The following MAMDC2 variants were observed in gnomAD, a reference collection of about 807,000 sequenced individuals.
MAMDC2 encodes MAM domain containing 2, also known as MAM domain-containing protein 2.
MAMDC2 carries 57 observed loss-of-function variants against 89.8 expected under a neutral mutation model. That is an observed-to-expected ratio of 0.63 (90% CI 0.51 to 0.79). MAMDC2 has a LOEUF of 0.79. Ranked by LOEUF, MAMDC2 falls within the 30% of genes least tolerant of loss-of-function variation. The pLI is 0.00. For missense variants in MAMDC2, 800 were observed against 820.6 expected (o/e 0.97, Z 0.31); for synonymous variants, 313 against 293.4 (o/e 1.07, Z -0.68).
chr9:70,207,135 G>T (rs1587571037), intron 11 of MAMDC2, among the ~76,000 whole-genome samples: 1 of 152,162 alleles, frequency 6.6e-6, no homozygotes. Flanking sequence ...AATCCTTTGG[G>T]TATATACCCA....
At chr9:70,211,253 C>G (rs1360606087) in intron 11 of MAMDC2, among the ~76,000 whole-genome samples, 1 of 152,242 alleles carries the variant, frequency 6.6e-6, no homozygotes, top group Non-Finnish European at 1.5e-5. Flanking sequence ...CCGTCACTTT[C>G]AGGTACACCA....
intron 8 of MAMDC2, among the ~76,000 whole-genome samples, chr9:70,141,551 T>C (rs142897337): frequency 6.6e-6 from 1 of 152,192 alleles, no homozygotes; most frequent in Non-Finnish European, 1.5e-5. Flanking sequence ...CTCTACCCTC[T>C]TGGGGTCCAT....
intron 9 of MAMDC2, among the ~76,000 whole-genome samples, chr9:70,149,675 C>A (rs1173565374): frequency 1.3e-5 from 2 of 152,198 alleles, no homozygotes; most frequent in Non-Finnish European, 2.9e-5. Context: ...TTGGGCGGTG[C>A]ATCTACTATA....
At chr9:70,048,164 TA>T (rs1826802942) in intron 2 of MAMDC2, among the ~76,000 whole-genome samples, 1 of 152,228 alleles carries the variant, frequency 6.6e-6, no homozygotes, top group African/African-American at 2.4e-5. Context: ...TAGAATATTT[TA>T]ATTTTCCCTA....
Position 70,044,245 on chromosome 9 carries a change from C to T in MAMDC2, c.34+14C>T. The stretch of plus-strand genomic sequence containing the variant: ...TGGCGTTGCAAGGTAAGGCCTGGAC[C>T]CCGGGACAACCCCGGGGGCGCTCTG... On this transcript the variant is annotated intron_variant, in intron 1 of 13. Coordinates refer to ENST00000377182, the MANE Select transcript of MAMDC2 (RefSeq NM_153267.5). 6.2e-7 allele frequency: 1 copy of T among 1,611,804 alleles called. No homozygotes were observed. The highest frequency in any genetic ancestry group is 8.5e-7 in the Non-Finnish European group (1 of 1,179,820).
intron 9 of MAMDC2, among the ~76,000 whole-genome samples, chr9:70,154,525 C>CT (rs2031680796): frequency 1.0e-5 from 1 of 99,218 alleles, no homozygotes; most frequent in African/African-American, 3.5e-5. Context: ...CGATTTGGAA[C>CT]AATTTTTTTT....
At chr9:70,213,303 C>T (rs988995601) in intron 11 of MAMDC2, among the ~76,000 whole-genome samples, 4 of 152,158 alleles carry the variant, frequency 2.6e-5, no homozygotes, top group Non-Finnish European at 5.9e-5. Flanking sequence ...GGAGCTTTTT[C>T]CCCTCATTGA....
At chr9:70,173,624 G>A (rs1275850379) in intron 11 of MAMDC2, among the ~76,000 whole-genome samples, 1 of 152,140 alleles carries the variant, frequency 6.6e-6, no homozygotes, top group Non-Finnish European at 1.5e-5. Flanking sequence ...AGGTATAGCA[G>A]TAAGAGATCT....
intron 11 of MAMDC2, chr9:70,217,112 G>A (rs747471592): frequency 9.1e-5 from 50 of 549,040 alleles, no homozygotes; most frequent in Non-Finnish European, 1.5e-4. Context: ...AATAAAATTA[G>A]AAAAGGAAAT....
chr9:70,205,570 T>C (rs554481696), intron 11 of MAMDC2, among the ~76,000 whole-genome samples: 1 of 152,110 alleles, frequency 6.6e-6, no homozygotes, highest in African/African-American at 2.4e-5. Context: ...TGCTTCACAG[T>C]CCAGAATTAT....
At chr9:70,052,995 C>T (rs765696172) in intron 2 of MAMDC2, among the ~76,000 whole-genome samples, 7 of 152,180 alleles carry the variant, frequency 4.6e-5, no homozygotes, top group Non-Finnish European at 1.0e-4. Context: ...ACAATGCAAC[C>T]TTGAGAGTGG....
chr9:70,044,364 A>C, intron 1 of MAMDC2, 133 bp downstream of exon 1: 1 of 1,069,914 alleles, frequency 9.3e-7, no homozygotes, highest in Non-Finnish European at 1.3e-6. Flanking sequence ...CGCAGCCGCT[A>C]ACTCCCTCCC....
intron 9 of MAMDC2, among the ~76,000 whole-genome samples, chr9:70,147,641 T>C (rs2031451186): frequency 6.7e-6 from 1 of 149,952 alleles, no homozygotes; most frequent in African/African-American, 2.5e-5. Context: ...CCTTCACCTC[T>C]CTTACCCCCT....
At chr9:70,117,864 G>C (rs1382639981) in intron 5 of MAMDC2, among the ~76,000 whole-genome samples, 1 of 152,162 alleles carries the variant, frequency 6.6e-6, no homozygotes, top group Non-Finnish European at 1.5e-5. Flanking sequence ...GCATTTCTCA[G>C]ATTATCTGAA....
intron 2 of MAMDC2, among the ~76,000 whole-genome samples, chr9:70,049,010 C>A (rs1382839471): frequency 6.6e-6 from 1 of 152,176 alleles, no homozygotes; most frequent in Non-Finnish European, 1.5e-5. Flanking sequence ...AAGGCAGCTG[C>A]AGAAATGTCT....
At chr9:70,161,638 G>T (rs568459131) in intron 9 of MAMDC2, among the ~76,000 whole-genome samples, 3 of 152,162 alleles carry the variant, frequency 2.0e-5, no homozygotes, top group Non-Finnish European at 4.4e-5. Flanking sequence ...TCTGCCTTCA[G>T]GGATTTGTAA....
chr9:70,080,327 A>T (rs1242772603), intron 2 of MAMDC2, among the ~76,000 whole-genome samples: 1 of 152,212 alleles, frequency 6.6e-6, no homozygotes, highest in Admixed American at 6.5e-5. Context: ...AGCACTATAC[A>T]TGTATGTGTA....
At chr9:70,183,645 T>C (rs1340542999) in intron 11 of MAMDC2, among the ~76,000 whole-genome samples, 1 of 152,232 alleles carries the variant, frequency 6.6e-6, no homozygotes, top group Non-Finnish European at 1.5e-5. Flanking sequence ...AAGTCTGTTT[T>C]ATCAGAGACT....
At chr9:70,187,248 A>G (rs2032776968) in intron 11 of MAMDC2, among the ~76,000 whole-genome samples, 1 of 151,940 alleles carries the variant, frequency 6.6e-6, no homozygotes, top group South Asian at 2.1e-4. Flanking sequence ...TATGTATTAT[A>G]TATCCTTCAT....
Sources: gnomAD v4.1 joint callset for allele counts (sites outside exome capture counted in the v4.1 genomes callset) on GRCh38, gnomAD v4.1.1 for gene constraint, MANE v1.5 for transcripts, NCBI Gene and HGNC (gene_info 2026-07-23, HGNC 2026-07-21) for gene names.